The following SEMA6D variants were observed in gnomAD, a reference collection of about 807,000 sequenced individuals.
SEMA6D encodes the protein semaphorin 6D.
In SEMA6D, 35 loss-of-function variants were observed where a neutral mutation model predicts 106.6. That is an observed-to-expected ratio of 0.33 (90% confidence interval 0.25 to 0.44). The LOEUF (loss-of-function observed/expected upper bound fraction) is 0.44. Ranked by LOEUF, SEMA6D falls within the 20% of genes least tolerant of loss-of-function variation. SEMA6D has a pLI of 1.00. For synonymous variants in SEMA6D, 499 were observed against 487.7 expected, an observed-to-expected ratio of 1.02 and a Z score of -0.31; for missense variants, 1,185 against 1,345.9, an observed-to-expected ratio of 0.88 and a Z score of 1.87.
At chr15:47,280,308 T>C (rs1308632232) in intron 1 of SEMA6D, among the ~76,000 whole-genome samples, 1 of 151,964 alleles carries the variant, frequency 6.6e-6, no homozygotes, top group East Asian at 1.9e-4. Flanking sequence ...TTCTAGTTTA[T>C]TTGCGTAGAG....
At chr15:47,340,439 AC>A (rs2037769234) in intron 1 of SEMA6D, among the ~76,000 whole-genome samples, 1 of 151,968 alleles carries the variant, frequency 6.6e-6, no homozygotes, top group South Asian at 2.1e-4. Flanking sequence ...AGAACAGGGA[AC>A]CCTCCAGCCT....
intron 3 of SEMA6D, among the ~76,000 whole-genome samples, chr15:47,520,676 A>G (rs1378277948): frequency 6.6e-6 from 1 of 152,214 alleles, no homozygotes; most frequent in African/African-American, 2.4e-5. Flanking sequence ...CTCAGCCACA[A>G]ATGTCAGAGC....
chr15:47,677,660 C>T lies in SEMA6D; in HGVS notation c.-55+76764C>T, dbSNP rs143957058. On this transcript the variant is annotated intron_variant, in intron 4 of 19. Transcript: ENST00000558014. ...GGTTTAGATGCTTTCCCTCTCTGAGCGCCAGGATCTCCTATTGTTAAATGA... is the reference window on the plus strand; with the variant it reads ...GGTTTAGATGCTTTCCCTCTCTGAGTGCCAGGATCTCCTATTGTTAAATGA... Among the ~76,000 whole-genome samples the T allele has an allele frequency of 2.6e-4, 40 of 152,280 alleles. No homozygotes were observed. In the East Asian group the frequency reaches 7.0e-3, roughly 26 times the overall value.
intron 2 of SEMA6D, among the ~76,000 whole-genome samples, chr15:47,444,794 G>C (rs2041980128): frequency 6.6e-6 from 1 of 152,108 alleles, no homozygotes; most frequent in African/African-American, 2.4e-5. Flanking sequence ...AACTCCTGAA[G>C]CCCATGTGGG....
chr15:47,307,872 T>C (rs2036289629), intron 1 of SEMA6D, among the ~76,000 whole-genome samples: 2 of 152,194 alleles, frequency 1.3e-5, no homozygotes, highest in South Asian at 4.1e-4. Flanking sequence ...CAAAGATATT[T>C]ACGAGAATTA....
intron 1 of SEMA6D, among the ~76,000 whole-genome samples, chr15:47,737,173 G>C (rs1032222614): frequency 1.3e-5 from 2 of 152,218 alleles, no homozygotes; most frequent in South Asian, 4.1e-4. Flanking sequence ...TGATTTCTTA[G>C]GGTACACCCA....
intron 1 of SEMA6D, among the ~76,000 whole-genome samples, chr15:47,335,952 C>T (rs2037537301): frequency 6.6e-6 from 1 of 152,124 alleles, no homozygotes; most frequent in African/African-American, 2.4e-5. Flanking sequence ...TGCCATATTC[C>T]CTCCAGTATG....
Position 47,771,384 on chromosome 15 carries a change from C to T in SEMA6D, c.2821C>T (p.Pro941Ser), listed in dbSNP as rs777468927. Residue 941 changes from proline (P) to serine (S), a missense_variant, in exon 19 of 19, where the codon CCA (proline) becomes TCA (serine). By Grantham distance (74) the Pro-to-Ser change is moderately conservative (BLOSUM62 -1). Around this residue, in one of 3 missense-constraint regions of SEMA6D, gnomAD observed 750 missense variants for 783.5 expected, o/e 0.96. Coordinates refer to ENST00000536845, the MANE Select transcript of SEMA6D (RefSeq NM_001358351.3). ...TCCTTCAACTCTCCCCAGAAATAGCCCAACCAAGCGAGTGGATGTCCCCAC... is the reference window on the plus strand; with the variant it reads ...TCCTTCAACTCTCCCCAGAAATAGCTCAACCAAGCGAGTGGATGTCCCCAC... ...SPPSTLPRNS[P>S]TKRVDVPTTP... is the part of the protein sequence containing the mutation. 3 of 1,613,894 alleles carry T rather than the reference C, an allele frequency of 1.9e-6. No individual in the cohort carries two copies. The East Asian group carries it at 6.7e-5, about 36-fold the overall frequency.
At chr15:47,505,423 A>C (rs1401902035) in intron 3 of SEMA6D, among the ~76,000 whole-genome samples, 1 of 152,256 alleles carries the variant, frequency 6.6e-6, no homozygotes, top group Admixed American at 6.5e-5. Context: ...CTGCGAAACA[A>C]CTGGCTTAGA....
intron 3 of SEMA6D, among the ~76,000 whole-genome samples, chr15:47,517,676 C>G (rs1206920272): frequency 6.6e-6 from 1 of 152,148 alleles, no homozygotes; most frequent in Non-Finnish European, 1.5e-5. Flanking sequence ...TTGGAATATT[C>G]TTAGCTGCTG....
intron 4 of SEMA6D, among the ~76,000 whole-genome samples, chr15:47,602,269 A>G (rs16959768): frequency 0.022 from 3,422 of 152,304 alleles, 131 homozygotes; most frequent in African/African-American, 0.079. Context: ...CCACAAGTCC[A>G]GCTCATGCTG....
intron 3 of SEMA6D, among the ~76,000 whole-genome samples, chr15:47,552,389 T>C (rs958875914): frequency 6.6e-6 from 1 of 151,918 alleles, no homozygotes; most frequent in Non-Finnish European, 1.5e-5. Flanking sequence ...TTTTCTATGG[T>C]TTATGGCTCT....
intron 1 of SEMA6D, among the ~76,000 whole-genome samples, chr15:47,390,575 T>TGTTA (rs935805555): frequency 5.5e-4 from 84 of 152,016 alleles, no homozygotes; most frequent in African/African-American, 1.8e-3. Flanking sequence ...CCGGTTTTTT[T>TGTTA]GTTTGTTTGT....
intron 1 of SEMA6D, among the ~76,000 whole-genome samples, chr15:47,324,613 T>C (rs1274228203): frequency 1.3e-5 from 2 of 151,328 alleles, no homozygotes; most frequent in African/African-American, 2.4e-5. Flanking sequence ...AACTGGTATA[T>C]GAGAAAAAGA....
At chr15:47,632,271 T>C (rs1156612287) in intron 4 of SEMA6D, among the ~76,000 whole-genome samples, 1 of 152,038 alleles carries the variant, frequency 6.6e-6, no homozygotes, top group Non-Finnish European at 1.5e-5. Context: ...TTTTATAAAG[T>C]CTATTCTGCT....
intron 2 of SEMA6D, among the ~76,000 whole-genome samples, chr15:47,419,827 C>T (rs1336504428): frequency 1.3e-5 from 2 of 151,974 alleles, no homozygotes; most frequent in African/African-American, 4.8e-5. Flanking sequence ...AAGATCAGAA[C>T]AAGTAGTGAA....
intron 1 of SEMA6D, among the ~76,000 whole-genome samples, chr15:47,742,453 C>G (rs925551278): frequency 1.1e-4 from 16 of 152,122 alleles, no homozygotes; most frequent in Non-Finnish European, 1.9e-4. Context: ...CCTCTTCTCC[C>G]TTGGGCAGCT....
chr15:47,422,172 G>GCCTTCCTT (rs1335219700), intron 2 of SEMA6D, among the ~76,000 whole-genome samples: 75 of 80,482 alleles, frequency 9.3e-4, no homozygotes, highest in African/African-American at 2.6e-3. Flanking sequence ...TTGCCCGCCC[G>GCCTTCCTT]CCTGCCTGCC....
chr15:47,568,708 T>TA (rs1259450486), intron 3 of SEMA6D, among the ~76,000 whole-genome samples: 4 of 152,122 alleles, frequency 2.6e-5, no homozygotes, highest in Admixed American at 2.6e-4. Context: ...TTTCCCATAT[T>TA]AAAAATCAAC....
Sources: allele counts gnomAD v4.1 joint callset (sites outside exome capture counted in the v4.1 genomes callset), GRCh38; gene constraint gnomAD v4.1.1; regional missense constraint gnomAD v4.1.1; transcripts MANE v1.5; gene names NCBI Gene and HGNC (gene_info 2026-07-23, HGNC 2026-07-21).